Variants in RTL4 observed in about 807,000 individuals in gnomAD.
The protein encoded by RTL4 is retrotransposon Gag-like protein 4.
In RTL4, 4 loss-of-function variants were observed where a neutral mutation model predicts 5.3. The observed-to-expected ratio is 0.75, with a 90% confidence interval of 0.37 to 1.72. The LOEUF is 1.72. RTL4 is among the 40% of genes most tolerant of loss of function. The pLI, the probability that RTL4 is intolerant of heterozygous loss-of-function variation, is 0.04. For synonymous variants in RTL4, 98 were observed against 87.3 expected, an observed-to-expected ratio of 1.12 and a Z score of -0.68; for missense variants, 260 against 227.1, an observed-to-expected ratio of 1.14 and a Z score of -0.93.
At chrX:112,168,013 G>A in the RTL4 span, among the ~76,000 whole-genome samples, 2 of 111,371 alleles carry the variant, frequency 1.8e-5, no homozygotes, top group Non-Finnish European at 3.8e-5. Flanking sequence ...TGTCTATTAT[G>A]GCTGATCTGA....
the RTL4 span, among the ~76,000 whole-genome samples, chrX:112,445,177 G>A: frequency 2.9e-5 from 2 of 68,417 alleles, no homozygotes; most frequent in Non-Finnish European, 2.6e-5. Flanking sequence ...CACCTGTGAC[G>A]GGTGTGAAGG....
the RTL4 span, among the ~76,000 whole-genome samples, chrX:112,100,435 G>A: frequency 8.9e-6 from 1 of 112,036 alleles, no homozygotes; most frequent in Non-Finnish European, 1.9e-5. Flanking sequence ...ATAAACATGA[G>A]TCATGAATGT....
chrX:112,173,338 C>T, the RTL4 span, among the ~76,000 whole-genome samples: 1 of 111,269 alleles, frequency 9.0e-6, no homozygotes, highest in African/African-American at 3.3e-5. Flanking sequence ...TATGGAGGAT[C>T]TGCAAGACTC....
chrX:112,239,824 T>G, the RTL4 span, among the ~76,000 whole-genome samples: 1 of 112,048 alleles, frequency 8.9e-6, no homozygotes, highest in African/African-American at 3.2e-5. Flanking sequence ...ATCTGTATAC[T>G]ACAATTAAAC....
chrX:112,348,372 T>C, the RTL4 span, among the ~76,000 whole-genome samples: 1 of 104,691 alleles, frequency 9.6e-6, no homozygotes. Context: ...TAATTTGTGT[T>C]TTTTTTTTTT....
the RTL4 span, among the ~76,000 whole-genome samples, chrX:112,236,178 G>T: frequency 0.018 from 1,957 of 108,833 alleles, 45 homozygotes; most frequent in African/African-American, 0.062. Context: ...TGATGAATTG[G>T]TTCAGGAAAA....
the RTL4 span, among the ~76,000 whole-genome samples, chrX:112,422,506 G>T: frequency 7.8e-4 from 3 of 3,839 alleles, no homozygotes; most frequent in Non-Finnish European, 3.7e-3. Flanking sequence ...GTCAGCAAAG[G>T]GGGGGTTCCT....
the RTL4 span, among the ~76,000 whole-genome samples, chrX:112,291,367 T>TACACAC: frequency 0.011 from 1,005 of 95,377 alleles, 14 homozygotes; most frequent in Non-Finnish European, 0.013. Flanking sequence ...TGTATGTTTG[T>TACACAC]ACACACACAC....
chrX:112,310,369 C>CATATAT, the RTL4 span, among the ~76,000 whole-genome samples: 35 of 4,355 alleles, frequency 8.0e-3, 1 homozygote, highest in African/African-American at 0.011. Context: ...CACCTTTATA[C>CATATAT]ATATATATAT....
At chrX:112,179,541 G>A in the RTL4 span, among the ~76,000 whole-genome samples, 1 of 111,921 alleles carries the variant, frequency 8.9e-6, no homozygotes, top group Non-Finnish European at 1.9e-5. Context: ...AGTAGGATCA[G>A]GTTTCTGCTG....
the RTL4 span, among the ~76,000 whole-genome samples, chrX:112,235,650 T>C: frequency 9.0e-6 from 1 of 111,731 alleles, no homozygotes; most frequent in Non-Finnish European, 1.9e-5. Context: ...TAAATATTAG[T>C]TGTATCTAAT....
At chrX:112,333,734 G>A in the RTL4 span, among the ~76,000 whole-genome samples, 38,984 of 110,124 alleles carry the variant, frequency 0.35, 7,020 homozygotes, top group African/African-American at 0.7. Flanking sequence ...CATGCAATGC[G>A]TAATAATCAC....
At chrX:112,408,042 C>T in the RTL4 span, among the ~76,000 whole-genome samples, 1 of 111,510 alleles carries the variant, frequency 9.0e-6, no homozygotes. Context: ...TAGAAACAAG[C>T]CCAGACTGCA....
the RTL4 span, among the ~76,000 whole-genome samples, chrX:112,426,655 T>G: frequency 1.8e-5 from 2 of 111,644 alleles, no homozygotes; most frequent in Non-Finnish European, 3.8e-5. Flanking sequence ...GCAATGTGTT[T>G]TTAATCTCAA....
the RTL4 span, among the ~76,000 whole-genome samples, chrX:112,327,707 G>C: frequency 9.0e-6 from 1 of 110,658 alleles, no homozygotes; most frequent in Non-Finnish European, 1.9e-5. Context: ...ATAATTGTCA[G>C]ATTCACCAAA....
chrX:112,367,987 G>A, the RTL4 span, among the ~76,000 whole-genome samples: 3 of 112,222 alleles, frequency 2.7e-5, no homozygotes, highest in Non-Finnish European at 5.6e-5. Flanking sequence ...TAGTTTGGTG[G>A]TAAGGGAAAT....
the RTL4 span, among the ~76,000 whole-genome samples, chrX:112,394,551 C>T: frequency 9.0e-6 from 1 of 111,345 alleles, no homozygotes; most frequent in East Asian, 2.8e-4. Context: ...CATACTGAGC[C>T]TAACACTCCA....
At chrX:112,252,729 C>A in the RTL4 span, among the ~76,000 whole-genome samples, 1 of 111,187 alleles carries the variant, frequency 9.0e-6, no homozygotes, top group Non-Finnish European at 1.9e-5. Flanking sequence ...CACAATTTTT[C>A]TGTTCTGAAT....
chrX:112,303,351 G>A, the RTL4 span, among the ~76,000 whole-genome samples: 2 of 109,803 alleles, frequency 1.8e-5, no homozygotes, highest in Non-Finnish European at 3.8e-5. Flanking sequence ...ATTGGTAGCT[G>A]TTTAAATGTT....
Sources: gnomAD v4.1 joint callset for allele counts (sites outside exome capture counted in the v4.1 genomes callset) on GRCh38, gnomAD v4.1.1 for gene constraint, MANE v1.5 for transcripts, NCBI Gene and HGNC (gene_info 2026-07-23, HGNC 2026-07-21) for gene names.